SYN3: variants seen among roughly 807,000 people sequenced by gnomAD.
SYN3 encodes the protein synapsin-3.
SYN3 carries 35 observed loss-of-function variants against 65.8 expected under a neutral mutation model. The observed-to-expected ratio is 0.53, with a 90% CI of 0.41 to 0.70. The LOEUF is 0.70. Among genes scored for constraint, SYN3 ranks in the 30% least tolerant of loss-of-function variants. The pLI, the probability that SYN3 is intolerant of heterozygous loss-of-function variation, is 0.00. For synonymous variants in SYN3, 270 were observed against 292.9 expected (o/e 0.92, Z 0.80); for missense variants, 680 against 749.0 (o/e 0.91, Z 1.08).
At chr22:32,746,249 C>T (rs547533176) in intron 6 of SYN3, among the ~76,000 whole-genome samples, 1 of 152,298 alleles carries the variant, frequency 6.6e-6, no homozygotes, top group Admixed American at 6.5e-5. Context: ...CCAAGAATCC[C>T]CCTTTGGGTT....
intron 1 of SYN3, among the ~76,000 whole-genome samples, chr22:33,053,217 G>A (rs2054200145): frequency 1.3e-5 from 2 of 152,220 alleles, no homozygotes; most frequent in Non-Finnish European, 2.9e-5. Context: ...GAGATCAGGA[G>A]TTCGAGACCA....
intron 6 of SYN3, among the ~76,000 whole-genome samples, chr22:32,669,648 A>G (rs2060334664): frequency 6.6e-6 from 1 of 152,192 alleles, no homozygotes; most frequent in African/African-American, 2.4e-5. Flanking sequence ...CCTTGTTCCA[A>G]GGTTAAAGAA....
rs535275192 is a variant in SYN3, at chr22:33,055,687, C to T, written c.-163+2605G>A. 1.4e-4 allele frequency among the ~76,000 whole-genome samples: 22 copies of T among 152,260 alleles called. No individual in the cohort carries two copies. The South Asian group carries it at 3.9e-3, about 27-fold the overall frequency. On this transcript the variant is annotated intron_variant, in intron 1 of 13. Transcript: ENST00000358763. ...AATAAAAGGGAGGGAGTACAGAAGG[C>T]CTTTCCAAGAAGGTTATATTGAAAC...
chr22:32,959,972 T>G (rs2051596907), intron 3 of SYN3, among the ~76,000 whole-genome samples: 1 of 152,242 alleles, frequency 6.6e-6, no homozygotes, highest in Admixed American at 6.5e-5. Flanking sequence ...TTTTAATTTT[T>G]TAATCTGCTT....
intron 6 of SYN3, among the ~76,000 whole-genome samples, chr22:32,642,275 G>A (rs2059911827): frequency 6.6e-6 from 1 of 151,624 alleles, no homozygotes. Flanking sequence ...GGGTGACAGA[G>A]CAGGACTCCA....
chr22:32,694,457 T>C (rs1479636917), intron 6 of SYN3, among the ~76,000 whole-genome samples: 1 of 152,234 alleles, frequency 6.6e-6, no homozygotes, highest in Non-Finnish European at 1.5e-5. Context: ...GCTTTTCTAT[T>C]CCTAAATTGA....
chr22:32,686,537 T>TGA (rs1368259805), intron 6 of SYN3, among the ~76,000 whole-genome samples: 9 of 151,492 alleles, frequency 5.9e-5, no homozygotes, highest in Non-Finnish European at 1.5e-5. Flanking sequence ...CTAGAGCCAT[T>TGA]GAGTTTGGTG....
chr22:32,865,030 G>C (rs2048653863), intron 5 of SYN3, 26 bp from the exon 6 acceptor site: 1 of 1,574,056 alleles, frequency 6.4e-7, no homozygotes. Context: ...AGAGAACATT[G>C]ATCAACTATT....
At chr22:32,614,413 G>A (rs748378923) in intron 6 of SYN3, among the ~76,000 whole-genome samples, 1 of 152,256 alleles carries the variant, frequency 6.6e-6, no homozygotes, top group Non-Finnish European at 1.5e-5. Flanking sequence ...GGGTCAGGCA[G>A]CTCTGTATGG....
Position 32,518,154 on chromosome 22 carries a change from G to T in SYN3, c.1499C>A (p.Ser500Tyr), listed in dbSNP as rs2057810362. Residue 500 changes from serine to tyrosine, a missense_variant, in exon 13 of 14, where the codon TCC (serine) becomes TAC (tyrosine). Coordinates refer to ENST00000358763, the MANE Select transcript of SYN3 (RefSeq NM_003490.4). ...TGAGGCGAGGGTGGCACCTGGCTTG[G>T]AGGCCTGGTTTGGGGAGCTGCCACT... Reference protein sequence around the residue: ...ASSGSSPNQASKPGATLASQP... With the variant: ...ASSGSSPNQAYKPGATLASQP... 2 of 1,612,422 alleles carry T rather than the reference G, an allele frequency of 1.2e-6. No individual in the cohort carries two copies. The highest frequency in any genetic ancestry group is 2.7e-5 in the African/African-American group (2 of 74,890).
At chr22:32,880,454 T>C (rs1002750001) in intron 4 of SYN3, among the ~76,000 whole-genome samples, 1 of 152,152 alleles carries the variant, frequency 6.6e-6, no homozygotes, top group African/African-American at 2.4e-5. Context: ...GCAAAAACAG[T>C]GCCATGGAGT....
intron 6 of SYN3, among the ~76,000 whole-genome samples, chr22:32,630,389 C>G (rs1320258727): frequency 6.6e-6 from 1 of 152,204 alleles, no homozygotes; most frequent in Non-Finnish European, 1.5e-5. Context: ...GTATGTCCCA[C>G]TGTTCCTGGC....
chr22:32,519,979 A>G (rs1399000474), intron 12 of SYN3, among the ~76,000 whole-genome samples: 4 of 151,978 alleles, frequency 2.6e-5, no homozygotes, highest in Non-Finnish European at 4.4e-5. Flanking sequence ...GTTAGGCATT[A>G]TTTTCATCCC....
At chr22:33,035,330 A>AC (rs133975) in intron 1 of SYN3, among the ~76,000 whole-genome samples, 2,015 of 31,252 alleles carry the variant, frequency 0.064, 281 homozygotes, top group Non-Finnish European at 0.092. Context: ...AAATCTCGGG[A>AC]CCCCCCCCCC....
rs2047756057 is a variant in SYN3, at chr22:32,837,165, C to T, written c.711+27750G>A. On this transcript the variant is annotated intron_variant, in intron 6 of 13. Transcript: ENST00000358763. This position sits in a 1 kb window ranked among gnomAD's most constrained non-coding sequence, Gnocchi z 4.1. The stretch of plus-strand genomic sequence containing the variant: ...CTTCAAAAATGCCCCGACCTGAAAG[C>T]TGGAAGTTCTGAGAACCGTTTGAGG... 6.6e-6 allele frequency among the ~76,000 whole-genome samples: 1 copy of T among 152,214 alleles called. No homozygotes were observed. Among genetic ancestry groups the T allele is most frequent in the South Asian group, 2.1e-4 (1 of 4,834 alleles).
intron 6 of SYN3, among the ~76,000 whole-genome samples, chr22:32,660,039 C>A (rs1302352198): frequency 6.6e-6 from 1 of 152,152 alleles, no homozygotes; most frequent in Non-Finnish European, 1.5e-5. Context: ...TATGGTGGTG[C>A]AAGATAGAAA....
At chr22:32,579,919 G>A (rs1248956869) in intron 7 of SYN3, among the ~76,000 whole-genome samples, 1 of 152,230 alleles carries the variant, frequency 6.6e-6, no homozygotes, top group African/African-American at 2.4e-5. Flanking sequence ...TAAACCACAT[G>A]TTTATAGAGT....
chr22:32,603,265 C>G (rs1036894002), intron 6 of SYN3, among the ~76,000 whole-genome samples: 1 of 151,424 alleles, frequency 6.6e-6, no homozygotes, highest in Non-Finnish European at 1.5e-5. Context: ...GTAATCCCAG[C>G]ACTTTGGCAG....
rs112100499 is a variant in SYN3, at chr22:32,641,880, ATTGT to A, written c.712-45148_712-45145del. Among the ~76,000 whole-genome samples the A allele has an allele frequency of 4.1e-3, 623 of 152,224 alleles. 3 individuals carry two copies. Among genetic ancestry groups the A allele is most frequent in the African/African-American group, 0.014 (570 of 41,542 alleles). ...GCTTCCTGAGAAATTGGGGGACCTC[ATTGT>A]TTGAGAAACCCTTTTCAGGGGTACA... On this transcript the variant is annotated intron_variant, in intron 6 of 13. Transcript: ENST00000358763.
Sources: gnomAD v4.1 joint callset for allele counts (sites outside exome capture counted in the v4.1 genomes callset) on GRCh38, gnomAD v4.1.1 for gene constraint, Gnocchi (gnomAD v3.1) non-coding constraint, MANE v1.5 for transcripts, NCBI Gene and HGNC (gene_info 2026-07-23, HGNC 2026-07-21) for gene names.